The following GINS1 variants were observed in gnomAD, a reference collection of about 807,000 sequenced individuals.
The protein encoded by GINS1 is GINS complex subunit 1.
In GINS1, 26 loss-of-function variants were observed where a neutral mutation model predicts 34.9. The ratio of observed to expected loss-of-function variants is 0.74; its 90% CI spans 0.55 to 1.03. The LOEUF (loss-of-function observed/expected upper bound fraction) is 1.03, where lower values mean the gene tolerates loss of function less well. Among genes scored for constraint, GINS1 ranks in the 50% least tolerant of loss-of-function variants. The pLI, the probability that GINS1 is intolerant of heterozygous loss-of-function variation, is 0.00. For missense variants in GINS1, 235 were observed against 237.9 expected, an observed-to-expected ratio of 0.99 and a Z score of 0.08; for synonymous variants, 97 against 84.4, an observed-to-expected ratio of 1.15 and a Z score of -0.82.
chr20:25,431,865 C>T (rs1219900168), intron 5 of GINS1, among the ~76,000 whole-genome samples: 4 of 151,980 alleles, frequency 2.6e-5, no homozygotes, highest in African/African-American at 9.7e-5. Context: ...AGCCACCATG[C>T]CTGGCCTTGT....
chr20:25,411,620 G>A (rs2090285662), intron 1 of GINS1, among the ~76,000 whole-genome samples: 2 of 151,652 alleles, frequency 1.3e-5, no homozygotes, highest in Non-Finnish European at 2.9e-5. Flanking sequence ...CCAACATGGC[G>A]AAACCCTGTC....
chr20:25,421,322 G>A (rs980558475), intron 4 of GINS1, among the ~76,000 whole-genome samples: 48 of 152,078 alleles, frequency 3.2e-4, no homozygotes, highest in African/African-American at 1.1e-3. Flanking sequence ...TGTTGACTCA[G>A]GCTAGCAATA....
chr20:25,425,244 G>A lies in GINS1; in HGVS notation c.364G>A (p.Ala122Thr). ...GTTTAATAATTATAAAAGATCTCTT[G>A]CTACTTATATGAGGTCACTGGGAGG... ...EWFNNYKRSL[A>T]TYMRSLGGDE... The change falls in exon 5 of 7, where the codon GCT becomes ACT. Residue 122 changes from alanine to threonine, a missense_variant. Physicochemically the swap from Ala to Thr is moderately conservative, Grantham distance 58. Coordinates refer to ENST00000262460, the MANE Select transcript of GINS1 (RefSeq NM_021067.5). 2.6e-6 allele frequency: 4 copies of A among 1,542,306 alleles called. No homozygotes were observed. Among genetic ancestry groups the A allele is most frequent in the Non-Finnish European group, 3.6e-6 (4 of 1,115,382 alleles).
In GINS1 at chr20:25,423,929, C is replaced by A. The variant is rs185513950; in HGVS notation, c.331-1282C>A. ...GTGCCCGGCCTTTTTTCTATGTAAT[C>A]TTTTAGGAGCTATATTTTACCTTTT... is the stretch of plus-strand genomic sequence containing the variant. On this transcript the variant is annotated intron_variant, in intron 4 of 6. Transcript: ENST00000262460. Among the ~76,000 whole-genome samples the A allele has an allele frequency of 2.4e-3, 359 of 152,112 alleles. 1 individual carries two copies. Among genetic ancestry groups the A allele is most frequent in the Non-Finnish European group, 4.2e-3 (284 of 67,988 alleles).
At chr20:25,437,570 G>A (rs1382538551) in intron 5 of GINS1, among the ~76,000 whole-genome samples, 1 of 152,240 alleles carries the variant, frequency 6.6e-6, no homozygotes, top group African/African-American at 2.4e-5. Context: ...TTGTTGTGGA[G>A]GTAGGCAGAC....
chr20:25,447,125 T>G lies in GINS1; in HGVS notation c.*1134T>G, dbSNP rs893252856. On this transcript the variant is annotated 3_prime_UTR_variant, in exon 7 of 7. Coordinates refer to ENST00000262460, the MANE Select transcript of GINS1 (RefSeq NM_021067.5). Reference sequence around the variant, plus strand: ...CGTGATCTTGGCTCACTGCAATCTCTATCCCCTGGGTTCAAGTGATTCTCT... The same window carrying G: ...CGTGATCTTGGCTCACTGCAATCTCGATCCCCTGGGTTCAAGTGATTCTCT... The G allele has an allele frequency of 6.6e-6, 1 of 151,988 alleles. No homozygotes were observed. The highest frequency in any genetic ancestry group is 1.5e-5 in the Non-Finnish European group (1 of 68,000). 9.4% of individuals were successfully genotyped at this position (151,988 alleles called of 1,614,324 possible).
intron 5 of GINS1, among the ~76,000 whole-genome samples, chr20:25,436,895 G>C (rs2090457459): frequency 6.6e-6 from 1 of 152,150 alleles, no homozygotes; most frequent in South Asian, 2.1e-4. Context: ...CTGAAAACCA[G>C]ACATTTCAGT....
chr20:25,438,480 G>A (rs1158548807), intron 5 of GINS1, among the ~76,000 whole-genome samples: 3 of 140,734 alleles, frequency 2.1e-5, no homozygotes, highest in Non-Finnish European at 4.6e-5. Context: ...TACGTTAGAA[G>A]TATGAATGCA....
intron 4 of GINS1, 82 bp from the exon 5 acceptor site, chr20:25,425,129 G>A (rs939015557): frequency 1.4e-6 from 1 of 702,084 alleles, no homozygotes; most frequent in African/African-American, 1.8e-5. Context: ...GTGTTGGGAT[G>A]TGTACTGTTT....
At chr20:25,411,226 G>A (rs1476252680) in intron 1 of GINS1, 2 of 152,138 alleles carry the variant, frequency 1.3e-5, no homozygotes, top group Non-Finnish European at 1.5e-5. Flanking sequence ...AGTGAACTGT[G>A]GTCACGCTAT....
chr20:25,413,778 TA>T lies in GINS1; in HGVS notation c.76-11del, dbSNP rs2090302571. 1 of 1,518,038 alleles carries T rather than the reference TA, an allele frequency of 6.6e-7. No individual in the cohort carries two copies. The highest frequency in any genetic ancestry group is 2.3e-5 in the East Asian group (1 of 44,440). The allele number at this position is 1,518,038 out of a possible 1,614,324, so 94.0% of individuals were successfully genotyped here. ...AAATCAGTGGATTTCAATATCGGTTTATATGTTCTAGGAGGATGGACTCAGA... is the reference window on the plus strand; with the variant it reads ...AAATCAGTGGATTTCAATATCGGTTTTATGTTCTAGGAGGATGGACTCAGA... On this transcript the variant is annotated splice_polypyrimidine_tract_variant and intron_variant, in intron 1 of 6. Transcript: ENST00000262460.
rs1367775969 is a variant in GINS1, at chr20:25,438,560, G to T, written c.448-3142G>T. Among the ~76,000 whole-genome samples the T allele has an allele frequency of 4.9e-5, 5 of 102,232 alleles. No individual in the cohort carries two copies. The Admixed American group carries it at 5.9e-4, about 12-fold the overall frequency. 67.1% of individuals were successfully genotyped at this position (102,232 alleles called of 152,430 possible). A position where few individuals can be genotyped will look rare whatever the true frequency, so the allele number is the denominator to read the frequency against. On this transcript the variant is annotated intron_variant, in intron 5 of 6. Coordinates refer to ENST00000262460, the MANE Select transcript of GINS1 (RefSeq NM_021067.5). Reference sequence around the variant, plus strand: ...TTTTGAGGCAGTATCTGGGTCTGTTGTTCAGGCTGGAGTACAGTGGTACAA... The same window carrying T: ...TTTTGAGGCAGTATCTGGGTCTGTTTTTCAGGCTGGAGTACAGTGGTACAA...
intron 5 of GINS1, among the ~76,000 whole-genome samples, chr20:25,429,737 A>G (rs140677267): frequency 8.1e-4 from 124 of 152,282 alleles, no homozygotes; most frequent in African/African-American, 2.9e-3. Context: ...AAAATTTTCT[A>G]CATGTAAGAT....
chr20:25,441,984 G>A (rs2090484447), intron 6 of GINS1, among the ~76,000 whole-genome samples: 1 of 152,072 alleles, frequency 6.6e-6, no homozygotes, highest in Non-Finnish European at 1.5e-5. Context: ...TAATTTAGTA[G>A]GATATTGCTT....
At chr20:25,408,063 T>TA (rs555562438) in intron 1 of GINS1, among the ~76,000 whole-genome samples, 168 bp downstream of exon 1, 54 of 152,368 alleles carry the variant, frequency 3.5e-4, no homozygotes, top group Middle Eastern at 3.4e-3. Context: ...CATTCATGCT[T>TA]ACGCTACCCA....
intron 5 of GINS1, among the ~76,000 whole-genome samples, chr20:25,436,576 A>G (rs2090456043): frequency 6.6e-6 from 1 of 151,602 alleles, no homozygotes; most frequent in South Asian, 2.1e-4. Flanking sequence ...GCCTGCTCCA[A>G]TCTGTCTTTG....
intron 1 of GINS1, among the ~76,000 whole-genome samples, chr20:25,413,012 G>A (rs1360624090): frequency 6.6e-6 from 1 of 150,838 alleles, no homozygotes; most frequent in African/African-American, 2.4e-5. Flanking sequence ...TCAGTATAAC[G>A]TATTTCAGAT....
intron 5 of GINS1, among the ~76,000 whole-genome samples, chr20:25,433,713 C>T (rs913680153): frequency 6.6e-6 from 1 of 152,114 alleles, no homozygotes; most frequent in Non-Finnish European, 1.5e-5. Flanking sequence ...AATTATAACA[C>T]TTTAATTTCA....
At chr20:25,430,101 C>A (rs576030054) in intron 5 of GINS1, among the ~76,000 whole-genome samples, 32 of 152,304 alleles carry the variant, frequency 2.1e-4, no homozygotes, top group African/African-American at 7.7e-4. Context: ...TTATTAGAGA[C>A]AGGGTTTTAC....
Sources: allele counts gnomAD v4.1 joint callset (sites outside exome capture counted in the v4.1 genomes callset), GRCh38; gene constraint gnomAD v4.1.1; transcripts MANE v1.5; gene names NCBI Gene and HGNC (gene_info 2026-07-23, HGNC 2026-07-21).